Variants in MACROD1 observed in about 807,000 individuals in gnomAD.
MACROD1 encodes the protein ADP-ribose glycohydrolase MACROD1.
A neutral mutation model predicts 41.4 loss-of-function variants in MACROD1; 31 were observed. The ratio of observed to expected loss-of-function variants is 0.75; its 90% CI spans 0.56 to 1.01. The LOEUF is 1.01. Ranked by LOEUF, MACROD1 falls within the 50% of genes least tolerant of loss-of-function variation. The pLI is 0.00. For synonymous variants in MACROD1, 252 were observed against 203.4 expected, an observed-to-expected ratio of 1.24 and a Z score of -2.03; for missense variants, 473 against 460.0, an observed-to-expected ratio of 1.03 and a Z score of -0.26.
intron 3 of MACROD1, among the ~76,000 whole-genome samples, chr11:64,020,661 G>A (rs1021534833): frequency 6.6e-5 from 10 of 152,058 alleles, no homozygotes; most frequent in South Asian, 2.1e-4. Flanking sequence ...CCTGGCCCCC[G>A]GTGATGCTCT....
intron 4 of MACROD1, among the ~76,000 whole-genome samples, chr11:64,012,831 C>T (rs909300521): frequency 9.3e-5 from 14 of 151,254 alleles, no homozygotes; most frequent in East Asian, 4.0e-4. Context: ...CCACCATGCC[C>T]GGCCCCTTGT....
chr11:64,067,804 G>C lies in MACROD1; in HGVS notation c.518-52523C>G, dbSNP rs1365711144. ...TGTTTTCCCTGACTGAGGGGCGGCTGTGCCACCCCCACACTCCTGAAATGG... is the reference window on the plus strand; with the variant it reads ...TGTTTTCCCTGACTGAGGGGCGGCTCTGCCACCCCCACACTCCTGAAATGG... On this transcript the variant is annotated intron_variant, in intron 3 of 10. Coordinates refer to ENST00000255681, the MANE Select transcript of MACROD1 (RefSeq NM_014067.4). The surrounding 1 kb of genome is among the most constrained non-coding windows in gnomAD (Gnocchi z 4.6). Among the ~76,000 whole-genome samples, 1 of 152,136 alleles carries C rather than the reference G, an allele frequency of 6.6e-6. No homozygotes were observed. Among genetic ancestry groups the C allele is most frequent in the Non-Finnish European group, 1.5e-5 (1 of 68,018 alleles).
intron 3 of MACROD1, among the ~76,000 whole-genome samples, chr11:64,109,700 A>G (rs1321095400): frequency 2.6e-5 from 4 of 152,096 alleles, no homozygotes; most frequent in Admixed American, 6.5e-5. Flanking sequence ...GCGGCCCCAC[A>G]GGAGGGGATG....
intron 3 of MACROD1, among the ~76,000 whole-genome samples, chr11:64,032,021 C>A (rs1380674481): frequency 6.6e-6 from 1 of 152,202 alleles, no homozygotes; most frequent in Non-Finnish European, 1.5e-5. Flanking sequence ...TGCCTTGGTG[C>A]CAACCCCTGA....
chr11:64,039,720 C>T (rs1042806631), intron 3 of MACROD1, among the ~76,000 whole-genome samples: 4 of 152,202 alleles, frequency 2.6e-5, no homozygotes, highest in African/African-American at 9.7e-5. Flanking sequence ...TTTACCATCG[C>T]TCGAGGCCCC....
At chr11:64,118,212 G>A in intron 3 of MACROD1, 1 of 1,613,268 alleles carries the variant, frequency 6.2e-7, no homozygotes, top group Non-Finnish European at 8.5e-7. Context: ...CCTCTGCAAG[G>A]CCACACACAC....
chr11:64,118,439 C>T, intron 3 of MACROD1: 1 of 988,258 alleles, frequency 1.0e-6, no homozygotes, highest in Non-Finnish European at 1.4e-6. Flanking sequence ...TTGGGGAGGG[C>T]TGACGATTTT....
Position 64,059,012 on chromosome 11 carries a change from G to A in MACROD1, c.518-43731C>T, listed in dbSNP as rs76721110. Among the ~76,000 whole-genome samples the A allele has an allele frequency of 5.4e-3, 816 of 152,312 alleles. 8 individuals carry two copies. Among genetic ancestry groups the A allele is most frequent in the Non-Finnish European group, 8.4e-3 (573 of 68,028 alleles). ...AACAGGGGCTCACTGTCTACTGGAT[G>A]GGCTGAGGAGTGCCTGATGCTCTTT... On this transcript the variant is annotated intron_variant, in intron 3 of 10. Coordinates refer to ENST00000255681, the MANE Select transcript of MACROD1 (RefSeq NM_014067.4).
chr11:64,123,207 G>C (rs1489382422), intron 3 of MACROD1, among the ~76,000 whole-genome samples: 2 of 152,194 alleles, frequency 1.3e-5, no homozygotes, highest in African/African-American at 4.8e-5. Flanking sequence ...TCAGTGACGG[G>C]CGTCCGCGTG....
At chr11:64,083,980 A>G (rs915575033) in intron 3 of MACROD1, among the ~76,000 whole-genome samples, 8 of 145,910 alleles carry the variant, frequency 5.5e-5, no homozygotes, top group Non-Finnish European at 1.5e-5. Context: ...AGTGTCATTT[A>G]CACAACTGGA....
chr11:64,084,871 A>G (rs1565225241), intron 3 of MACROD1, among the ~76,000 whole-genome samples: 1 of 152,216 alleles, frequency 6.6e-6, no homozygotes, highest in African/African-American at 2.4e-5. Context: ...CAGGACTCAC[A>G]GGGAGAGCTG....
At chr11:64,007,876 G>T (rs917274398) in intron 4 of MACROD1, among the ~76,000 whole-genome samples, 1 of 152,208 alleles carries the variant, frequency 6.6e-6, no homozygotes, top group African/African-American at 2.4e-5. Flanking sequence ...GGGGAGGGCC[G>T]CACACAGCCC....
chr11:64,077,670 C>T (rs1255791782), intron 3 of MACROD1, among the ~76,000 whole-genome samples: 2 of 152,202 alleles, frequency 1.3e-5, no homozygotes, highest in Non-Finnish European at 2.9e-5. Context: ...CACACCCCCA[C>T]CTGCCGTGCC....
intron 3 of MACROD1, among the ~76,000 whole-genome samples, chr11:64,145,822 T>G (rs889560424): frequency 6.6e-6 from 1 of 150,988 alleles, no homozygotes; most frequent in African/African-American, 2.4e-5. Flanking sequence ...CAGGATGGAG[T>G]GCAGTGGCAC....
At chr11:64,040,803 GGGGCTGTGTCCTGGA>G (rs1565205377) in intron 3 of MACROD1, among the ~76,000 whole-genome samples, 1 of 152,222 alleles carries the variant, frequency 6.6e-6, no homozygotes, top group South Asian at 2.1e-4. Flanking sequence ...AGGGAGTGAA[GGGGCTGTGTCCTGGA>G]GGGCCCCGGA....
chr11:64,165,591 C>A (rs1945827737), intron 1 of MACROD1, 106 bp downstream of exon 1: 6 of 1,053,896 alleles, frequency 5.7e-6, no homozygotes, highest in Admixed American at 8.5e-5. Context: ...TCAACTTCCC[C>A]AGGTCTCTCG....
intron 3 of MACROD1, among the ~76,000 whole-genome samples, chr11:64,112,608 G>A (rs572736933): frequency 2.6e-5 from 4 of 151,128 alleles, no homozygotes; most frequent in Non-Finnish European, 5.9e-5. Flanking sequence ...ACTGAGAGGA[G>A]TATCTGGGAG....
At chr11:64,037,517 G>C (rs1262566181) in intron 3 of MACROD1, among the ~76,000 whole-genome samples, 1 of 152,208 alleles carries the variant, frequency 6.6e-6, no homozygotes, top group African/African-American at 2.4e-5. Context: ...GGCCTGAGCT[G>C]ACAGGGCCCG....
chr11:64,158,527 G>A (rs990202472), intron 1 of MACROD1, among the ~76,000 whole-genome samples: 7 of 152,180 alleles, frequency 4.6e-5, no homozygotes, highest in Non-Finnish European at 1.0e-4. Context: ...ACAGGCGTGA[G>A]CCACCACGCC....
Sources: allele counts gnomAD v4.1 joint callset (sites outside exome capture counted in the v4.1 genomes callset), GRCh38; gene constraint gnomAD v4.1.1; non-coding constraint Gnocchi (gnomAD v3.1); transcripts MANE v1.5; gene names NCBI Gene and HGNC (gene_info 2026-07-23, HGNC 2026-07-21).